The following XRN2 variants were observed in gnomAD, a reference collection of about 807,000 sequenced individuals.
XRN2 encodes the protein DHM1-like protein.
A neutral mutation model predicts 138.5 loss-of-function variants in XRN2; 44 were observed. The observed-to-expected ratio is 0.32, with a 90% CI of 0.25 to 0.41. XRN2 has a LOEUF of 0.41. Ranked by LOEUF, XRN2 falls within the 10% of genes least tolerant of loss-of-function variation. XRN2 has a pLI of 1.00. For synonymous variants in XRN2, 354 were observed against 369.4 expected, an observed-to-expected ratio of 0.96 and a Z score of 0.48; for missense variants, 937 against 1,169.3, an observed-to-expected ratio of 0.80 and a Z score of 2.90.
chr20:21,304,512 G>T (rs1250098971), intron 1 of XRN2, among the ~76,000 whole-genome samples: 1 of 151,772 alleles, frequency 6.6e-6, no homozygotes, highest in Non-Finnish European at 1.5e-5. Context: ...AACTTTACTT[G>T]CACGTGGGTT....
In XRN2 at chr20:21,375,579, A is replaced by AT. The variant is rs912241589; in HGVS notation, c.2585-6405dup. On this transcript the variant is annotated intron_variant, in intron 27 of 29. Coordinates refer to ENST00000377191, the MANE Select transcript of XRN2 (RefSeq NM_012255.5). The stretch of plus-strand genomic sequence containing the variant: ...GGATTATTTAGAAGTATATTGCTTA[A>AT]TTTTTTTTTTAATTTATAGGGCTTT... 3.6e-4 allele frequency among the ~76,000 whole-genome samples: 54 copies of AT among 149,272 alleles called. No homozygotes were observed. The East Asian group carries it at 7.2e-3, about 20-fold the overall frequency.
intron 23 of XRN2, 92 bp from the exon 24 acceptor site, chr20:21,357,644 C>G: frequency 2.9e-6 from 3 of 1,021,066 alleles, no homozygotes; most frequent in Non-Finnish European, 4.2e-6. Flanking sequence ...TTTATCTTTT[C>G]TAAAGACTAA....
At position 21,316,330 on chromosome 20, in the gene XRN2, G is replaced by C. The variant is rs186125578; in HGVS notation, c.76-9949G>C. Among the ~76,000 whole-genome samples the C allele has an allele frequency of 3.4e-4, 52 of 152,342 alleles. No individual in the cohort carries two copies. The East Asian group carries it at 9.6e-3, about 28-fold the overall frequency. On this transcript the variant is annotated intron_variant, in intron 1 of 29. Transcript: ENST00000377191. ...CATCTGCTTTTTTCTTTTATCGTTT[G>C]TGCTTTTGATGGCATATCTAAGAAT...
chr20:21,340,836 G>A lies in XRN2; in HGVS notation c.1394G>A (p.Arg465Lys). The change falls in exon 15 of 30, where the codon AGG becomes AAG. Residue 465 changes from arginine (R) to lysine (K), a missense_variant. Physicochemically the swap from Arg to Lys is conservative, Grantham distance 26 (BLOSUM62 2). Coordinates refer to ENST00000377191, the MANE Select transcript of XRN2 (RefSeq NM_012255.5). ...CCGAGACAAGCAGCCTATGAAATGA[G>A]GATGCAGAATAACTCTGTAAGTGGC... ...SNPRQAAYEMRMQNNSSPSIS... is the reference protein window; with the variant it reads ...SNPRQAAYEMKMQNNSSPSIS... 6.2e-7 allele frequency: 1 copy of A among 1,613,894 alleles called. No individual in the cohort carries two copies. The highest frequency in any genetic ancestry group is 1.3e-5 in the African/African-American group (1 of 75,014).
chr20:21,386,406 TAC>T (rs1176959194), intron 28 of XRN2, among the ~76,000 whole-genome samples: 3 of 152,214 alleles, frequency 2.0e-5, no homozygotes, highest in Non-Finnish European at 4.4e-5. Flanking sequence ...GGATTCAAAA[TAC>T]TCAGCAGTAA....
intron 28 of XRN2, among the ~76,000 whole-genome samples, chr20:21,384,519 C>T (rs2122368824): frequency 6.6e-6 from 1 of 152,242 alleles, no homozygotes; most frequent in Non-Finnish European, 1.5e-5. Context: ...GAGACAAGGT[C>T]TCACTCTGTC....
intron 3 of XRN2, among the ~76,000 whole-genome samples, chr20:21,327,059 G>A (rs187012948): frequency 5.3e-5 from 8 of 152,140 alleles, no homozygotes; most frequent in Non-Finnish European, 1.2e-4. Context: ...GATGGGACAG[G>A]GTTTGGGGAG....
In XRN2 at chr20:21,389,762, G is replaced by A. The variant is rs2038969692; in HGVS notation, c.*424G>A. 6.5e-6 allele frequency: 1 copy of A among 153,136 alleles called. No individual in the cohort carries two copies. Among genetic ancestry groups the A allele is most frequent in the African/African-American group, 2.4e-5 (1 of 41,452 alleles). 9.5% of individuals were successfully genotyped at this position (153,136 alleles called of 1,614,324 possible). The stretch of plus-strand genomic sequence containing the variant: ...ATTTCTTTGGAAACATTTCATTAAT[G>A]TACTTGTCTTACAGAAATTTCTGAA... On this transcript the variant is annotated 3_prime_UTR_variant, in exon 30 of 30. Coordinates refer to ENST00000377191, the MANE Select transcript of XRN2 (RefSeq NM_012255.5).
intron 24 of XRN2, among the ~76,000 whole-genome samples, chr20:21,358,945 A>G (rs1246171566): frequency 6.6e-6 from 1 of 152,202 alleles, no homozygotes; most frequent in East Asian, 1.9e-4. Context: ...TCATTAAAGC[A>G]TTGGCGCTTC....
chr20:21,365,702 G>C lies in XRN2; in HGVS notation c.2454G>C (p.Leu818Phe), dbSNP rs200091465. Residue 818 changes from leucine (L) to phenylalanine (F), a missense_variant and splice_region_variant, in exon 26 of 30, where the codon TTG becomes TTC. Leu to Phe is a conservative substitution (Grantham distance 22). This residue lies in a region of XRN2 where 372 missense variants were observed against 414.4 expected (regional missense o/e 0.90). Transcript: ENST00000377191. ...TGGATCAGGCAGCCTTCAGGACTTT[G>C]GGGTGAGTTGTCAGTTTTTAGCCCT... ...VHLDQAAFRT[L>F]GHVMPRGSGT... is the part of the protein sequence containing the mutation. 1.9e-5 allele frequency: 30 copies of C among 1,579,658 alleles called. No homozygotes were observed. In the East Asian group the frequency reaches 6.8e-4, roughly 36 times the overall value.
intron 26 of XRN2, among the ~76,000 whole-genome samples, chr20:21,368,015 A>T (rs1007879969): frequency 6.6e-6 from 1 of 152,214 alleles, no homozygotes; most frequent in Non-Finnish European, 1.5e-5. Flanking sequence ...ATAAGACATC[A>T]ACATAGTAAA....
chr20:21,311,890 G>A (rs2037886083), intron 1 of XRN2, among the ~76,000 whole-genome samples: 1 of 152,058 alleles, frequency 6.6e-6, no homozygotes, highest in African/African-American at 2.4e-5. Flanking sequence ...CAGCTACTCA[G>A]GAGGCTGAGG....
chr20:21,371,930 CCT>C (rs1053550595), intron 27 of XRN2, among the ~76,000 whole-genome samples: 1 of 152,310 alleles, frequency 6.6e-6, no homozygotes, highest in Admixed American at 6.5e-5. Context: ...AATGGAGTCC[CCT>C]CTCTACTTTT....
intron 13 of XRN2, among the ~76,000 whole-genome samples, chr20:21,334,561 A>G (rs1299905689): frequency 6.6e-6 from 1 of 152,202 alleles, no homozygotes; most frequent in Non-Finnish European, 1.5e-5. Flanking sequence ...TTGACAATGT[A>G]GGGAGTGTGG....
At chr20:21,355,214 T>C (rs1177450795) in intron 21 of XRN2, among the ~76,000 whole-genome samples, 1 of 152,214 alleles carries the variant, frequency 6.6e-6, no homozygotes, top group Non-Finnish European at 1.5e-5. Flanking sequence ...TCCATCTACC[T>C]TCTTCCCTAC....
Position 21,334,036 on chromosome 20 carries a change from T to G in XRN2, c.1125+42T>G, listed in dbSNP as rs369879982. On this transcript the variant is annotated intron_variant, in intron 12 of 29. Coordinates refer to ENST00000377191, the MANE Select transcript of XRN2 (RefSeq NM_012255.5). ...ATGATTTCAAAACAGAAGTATTTGC[T>G]TTTATAAGAAGATCATTTTACATAT... is the stretch of plus-strand genomic sequence containing the variant. 6 of 1,613,790 alleles carry G rather than the reference T, an allele frequency of 3.7e-6. No individual in the cohort carries two copies. In the African/African-American group the frequency reaches 5.3e-5, roughly 14 times the overall value.
intron 24 of XRN2, among the ~76,000 whole-genome samples, chr20:21,363,884 C>G (rs977441842): frequency 6.6e-6 from 1 of 152,100 alleles, no homozygotes; most frequent in Admixed American, 6.5e-5. Context: ...TATGTCTAGT[C>G]TGTTGTATAT....
At chr20:21,377,438 G>A (rs1444168456) in intron 27 of XRN2, among the ~76,000 whole-genome samples, 1 of 151,362 alleles carries the variant, frequency 6.6e-6, no homozygotes, top group East Asian at 1.9e-4. Flanking sequence ...TGTATTTTTA[G>A]TAGAGTCAGG....
chr20:21,308,968 G>A (rs902548863), intron 1 of XRN2, among the ~76,000 whole-genome samples: 1 of 152,106 alleles, frequency 6.6e-6, no homozygotes, highest in Non-Finnish European at 1.5e-5. Context: ...CTAGTCATAT[G>A]GTGAATTATC....
Sources: gnomAD v4.1 joint callset for allele counts (sites outside exome capture counted in the v4.1 genomes callset) on GRCh38, gnomAD v4.1.1 for gene constraint, gnomAD v4.1.1 regional missense constraint, MANE v1.5 for transcripts, NCBI Gene and HGNC (gene_info 2026-07-23, HGNC 2026-07-21) for gene names.